MAPK10: variants seen among roughly 807,000 people sequenced by gnomAD.
MAPK10 encodes the protein mitogen-activated protein kinase 10, also known as JNK3 alpha protein kinase.
MAPK10 carries 25 observed loss-of-function variants against 59.3 expected under a neutral mutation model. The observed-to-expected ratio is 0.42, with a 90% CI of 0.31 to 0.59. MAPK10 has a LOEUF of 0.59. Among genes scored for constraint, MAPK10 ranks in the 20% least tolerant of loss-of-function variants. The probability of loss-of-function intolerance (pLI) is 0.15; values close to 1 mark genes in which losing one functional copy is unlikely to be tolerated. For synonymous variants in MAPK10, 190 were observed against 200.5 expected (o/e 0.95, Z 0.44); for missense variants, 351 against 568.9 (o/e 0.62, Z 3.90).
chr4:86,211,827 G>GA (rs1311355564), intron 2 of MAPK10, among the ~76,000 whole-genome samples: 1 of 151,964 alleles, frequency 6.6e-6, no homozygotes, highest in African/African-American at 2.4e-5. Context: ...GACAAAGCTG[G>GA]AAAAAAGCAG....
chr4:86,139,185 T>G (rs1416237859), intron 4 of MAPK10, among the ~76,000 whole-genome samples: 2 of 143,556 alleles, frequency 1.4e-5, no homozygotes, highest in African/African-American at 5.2e-5. Flanking sequence ...AAAACTACTT[T>G]AAAGTTCATA....
intron 5 of MAPK10, among the ~76,000 whole-genome samples, chr4:86,103,931 G>A (rs1467575267): frequency 6.6e-6 from 1 of 151,894 alleles, no homozygotes; most frequent in Admixed American, 6.6e-5. Context: ...TTTCTCAGTA[G>A]AGTACATACA....
At chr4:86,326,869 C>G (rs2096034524) in intron 2 of MAPK10, 1 of 152,182 alleles carries the variant, frequency 6.6e-6, no homozygotes, top group African/African-American at 2.4e-5. Flanking sequence ...ATTTAACAAC[C>G]TTGTTCCTTG....
intron 11 of MAPK10, among the ~76,000 whole-genome samples, chr4:86,041,213 C>T (rs1393022875): frequency 1.3e-5 from 2 of 152,072 alleles, no homozygotes; most frequent in Non-Finnish European, 2.9e-5. Flanking sequence ...ACAAACCTGA[C>T]AAAAACAAGC....
rs1480718474 is a variant in MAPK10 at position 86,159,011 on chromosome 4, G to T, written c.236+287C>A. The T allele has an allele frequency of 1.6e-5, 4 of 245,870 alleles. No homozygotes were observed. In the East Asian group the frequency reaches 3.1e-4, roughly 19 times the overall value. 15.2% of individuals were successfully genotyped at this position (245,870 alleles called of 1,614,324 possible). Reference sequence around the variant, plus strand: ...AAACTCTACAAATACATTAGCAACTGCTAGAAAATCTCTGGTTCTCTTTAT... The same window carrying T: ...AAACTCTACAAATACATTAGCAACTTCTAGAAAATCTCTGGTTCTCTTTAT... On this transcript the variant is annotated intron_variant, in intron 4 of 13. Coordinates refer to ENST00000641462, the MANE Select transcript of MAPK10 (RefSeq NM_138982.4).
At chr4:86,073,622 T>G (rs999322037) in intron 9 of MAPK10, among the ~76,000 whole-genome samples, 19 of 112,602 alleles carry the variant, frequency 1.7e-4, no homozygotes, top group Non-Finnish European at 3.1e-4. Flanking sequence ...TCAAAGAACA[T>G]CTTTATTTCT....
intron 2 of MAPK10, among the ~76,000 whole-genome samples, chr4:86,287,932 C>T (rs952996846): frequency 1.1e-4 from 16 of 152,172 alleles, no homozygotes; most frequent in Middle Eastern, 3.4e-3. Context: ...AGAATTAAGA[C>T]GTTACCTAGA....
chr4:86,314,996 A>G (rs923993532), intron 2 of MAPK10, among the ~76,000 whole-genome samples: 1 of 152,156 alleles, frequency 6.6e-6, no homozygotes, highest in Non-Finnish European at 1.5e-5. Flanking sequence ...TAATGTTTAA[A>G]ATACTTTTAA....
intron 11 of MAPK10, among the ~76,000 whole-genome samples, chr4:86,036,894 G>A (rs952131937): frequency 1.3e-5 from 2 of 152,220 alleles, no homozygotes; most frequent in African/African-American, 4.8e-5. Flanking sequence ...GACATGGCAT[G>A]TTAGAGATCT....
At chr4:86,093,409 C>A (rs546676509) in intron 9 of MAPK10, among the ~76,000 whole-genome samples, 2 of 151,486 alleles carry the variant, frequency 1.3e-5, no homozygotes, top group Non-Finnish European at 2.9e-5. Context: ...CAGAACATTT[C>A]TTTGAAAATT....
intron 13 of MAPK10, 115 bp downstream of exon 13, chr4:86,029,082 T>G (rs965295090): frequency 2.6e-6 from 2 of 776,140 alleles, no homozygotes; most frequent in Non-Finnish European, 4.7e-6. Context: ...CACAACCATG[T>G]GATATTTGTC....
intron 1 of MAPK10, among the ~76,000 whole-genome samples, chr4:86,403,702 G>C (rs910700747): frequency 6.6e-6 from 1 of 152,066 alleles, no homozygotes; most frequent in Non-Finnish European, 1.5e-5. Context: ...GTGCAAGCAG[G>C]GGAAATGCCA....
rs539668058 is a variant in MAPK10, at chr4:86,422,931, T to C, written c.-122+30099A>G. Among the ~76,000 whole-genome samples the C allele has an allele frequency of 8.7e-4, 132 of 152,284 alleles. 1 individual carries two copies. Among genetic ancestry groups the C allele is most frequent in the African/African-American group, 3.1e-3 (130 of 41,558 alleles). On this transcript the variant is annotated intron_variant, in intron 1 of 13. Transcript: ENST00000361569. Reference sequence around the variant, plus strand: ...TGAATTTTAATTCTTTCTCCAGTCTTTGTTGTTATTTGCTAATGGACTTTA... The same window carrying C: ...TGAATTTTAATTCTTTCTCCAGTCTCTGTTGTTATTTGCTAATGGACTTTA...
chr4:86,085,070 A>G lies in MAPK10; in HGVS notation c.802+13454T>C, dbSNP rs184912513. On this transcript the variant is annotated intron_variant, in intron 9 of 13. Coordinates refer to ENST00000641462, the MANE Select transcript of MAPK10 (RefSeq NM_138982.4). ...TGCAGAAGAATAAAACTAGATCCCTATCTCTCACCATATACAAAGATCCAA... is the reference window on the plus strand; with the variant it reads ...TGCAGAAGAATAAAACTAGATCCCTGTCTCTCACCATATACAAAGATCCAA... 2.1e-3 allele frequency among the ~76,000 whole-genome samples: 314 copies of G among 152,298 alleles called. 2 individuals are homozygous for G. Among genetic ancestry groups the G allele is most frequent in the Non-Finnish European group, 3.4e-3 (233 of 68,014 alleles).
Position 86,299,178 on chromosome 4 carries a change from TTAAG to T in MAPK10, c.-7+55348_-7+55351del, listed in dbSNP as rs2095423920. ...GTAAAAAAAGCCTTGTTTTGCAACT[TTAAG>T]TATGTGAATATTCATGAAAGCAAAC... On this transcript the variant is annotated intron_variant, in intron 2 of 13. Transcript: ENST00000641462. Among the ~76,000 whole-genome samples, 2 of 152,334 alleles carry T rather than the reference TTAAG, an allele frequency of 1.3e-5. 1 individual carries two copies. The highest frequency in any genetic ancestry group is 4.8e-5 in the African/African-American group (2 of 41,584).
Position 86,064,961 on chromosome 4 carries a change from G to A in MAPK10, c.986-571C>T, listed in dbSNP as rs565261548. 3.9e-5 allele frequency: 6 copies of A among 152,420 alleles called. No homozygotes were observed. The East Asian group carries it at 1.2e-3, about 29-fold the overall frequency. The allele number at this position is 152,420 out of a possible 1,614,324, so 9.4% of individuals were successfully genotyped here. A position where few individuals can be genotyped will look rare whatever the true frequency, so the allele number is the denominator to read the frequency against. On this transcript the variant is annotated intron_variant, in intron 10 of 13. Coordinates refer to ENST00000641462, the MANE Select transcript of MAPK10 (RefSeq NM_138982.4). Reference sequence around the variant, plus strand: ...CCCTCTGTTGCCAGGCTGGAGTGTAGTGGAATGATCACAGCTCACTGCAGC... The same window carrying A: ...CCCTCTGTTGCCAGGCTGGAGTGTAATGGAATGATCACAGCTCACTGCAGC...
Position 86,054,989 on chromosome 4 carries a change from C to G in MAPK10, c.1110+9277G>C, listed in dbSNP as rs144330639. Among the ~76,000 whole-genome samples, 240 of 152,220 alleles carry G rather than the reference C, an allele frequency of 1.6e-3. 2 individuals are homozygous for G. The highest frequency in any genetic ancestry group is 5.4e-3 in the African/African-American group (226 of 41,552). On this transcript the variant is annotated intron_variant, in intron 11 of 13. Coordinates refer to ENST00000641462, the MANE Select transcript of MAPK10 (RefSeq NM_138982.4). ...TTCATAAGGACATCTGGTCGAAAAACAGAATTTAAATGATGGCAGTTTTAG... is the reference window on the plus strand; with the variant it reads ...TTCATAAGGACATCTGGTCGAAAAAGAGAATTTAAATGATGGCAGTTTTAG...
At chr4:86,099,694 T>C (rs532899290) in intron 8 of MAPK10, 1 of 152,414 alleles carries the variant, frequency 6.6e-6, no homozygotes, top group South Asian at 2.1e-4. Flanking sequence ...ATACCAGCTA[T>C]TGGTAGTGCC....
At chr4:86,281,342 T>G (rs981270931) in intron 2 of MAPK10, among the ~76,000 whole-genome samples, 1 of 151,402 alleles carries the variant, frequency 6.6e-6, no homozygotes, top group Non-Finnish European at 1.5e-5. Context: ...CTACTAAAAC[T>G]ACAAAAAAAT....
Sources: allele counts gnomAD v4.1 joint callset (sites outside exome capture counted in the v4.1 genomes callset), GRCh38; gene constraint gnomAD v4.1.1; transcripts MANE v1.5; gene names NCBI Gene and HGNC (gene_info 2026-07-23, HGNC 2026-07-21).